The following ZNF16 variants were observed in gnomAD, a reference collection of about 807,000 sequenced individuals.
ZNF16 encodes zinc finger protein 16.
Under a neutral mutation model 9.0 loss-of-function variants are expected in ZNF16, and 7 were observed. That is an observed-to-expected ratio of 0.78 (90% CI 0.44 to 1.47). ZNF16 has a LOEUF of 1.47. ZNF16 is among the 40% of genes most tolerant of loss of function. ZNF16 has a pLI of 0.01. For synonymous variants in ZNF16, 312 were observed against 301.5 expected, an observed-to-expected ratio of 1.03 and a Z score of -0.36; for missense variants, 830 against 854.2, an observed-to-expected ratio of 0.97 and a Z score of 0.35.
rs1164220992 is a variant in ZNF16 at position 144,946,223 on chromosome 8, C to T, written c.-9-8G>A. On this transcript the variant is annotated splice_polypyrimidine_tract_variant and splice_region_variant and intron_variant, in intron 1 of 2. Transcript: ENST00000394909. ...GCTGGGCATGACAAGGACCTGAAAA[C>T]CGGCAAGAACACAGGTGAGTCTACA... is the stretch of plus-strand genomic sequence containing the variant. 6.7e-7 allele frequency: 1 copy of T among 1,501,926 alleles called. No homozygotes were observed. Among genetic ancestry groups the T allele is most frequent in the African/African-American group, 1.4e-5 (1 of 72,152 alleles). The allele number at this position is 1,501,926 out of a possible 1,614,324, so 93.0% of individuals were successfully genotyped here. A position where few individuals can be genotyped will look rare whatever the true frequency, so the allele number is the denominator to read the frequency against.
chr8:144,948,941 C>T (rs938041211), intron 1 of ZNF16, among the ~76,000 whole-genome samples: 12 of 152,208 alleles, frequency 7.9e-5, no homozygotes, highest in Non-Finnish European at 2.9e-5. Flanking sequence ...CCAATCTAAT[C>T]AAATGAGCCC....
chr8:144,949,795 A>G (rs1184858232), intron 1 of ZNF16, among the ~76,000 whole-genome samples: 1 of 152,190 alleles, frequency 6.6e-6, no homozygotes, highest in African/African-American at 2.4e-5. Context: ...GGTATTGTCC[A>G]AGATTTGTCC....
At chr8:144,947,679 T>C (rs1016346557) in intron 1 of ZNF16, among the ~76,000 whole-genome samples, 9 of 152,166 alleles carry the variant, frequency 5.9e-5, no homozygotes, top group African/African-American at 2.2e-4. Flanking sequence ...TCATTCCCCA[T>C]TTCATGTTGG....
In ZNF16 at chr8:144,946,096, C is replaced by T. The variant is rs761788403; in HGVS notation, c.111G>A (p.Val37=). 4.3e-6 allele frequency: 7 copies of T among 1,612,586 alleles called. No individual in the cohort carries two copies. The South Asian group carries it at 7.7e-5, about 18-fold the overall frequency. Residue 37 remains valine, a synonymous_variant, in exon 2 of 3, where the codon GTG becomes GTA. Coordinates refer to ENST00000394909, the MANE Select transcript of ZNF16 (RefSeq NM_006958.3). Reference sequence around the variant, plus strand: ...CACAGGCTGCAGATCCAGGGTGGGTCACAGCAGGAGCATCTCTCACACGGG... The same window carrying T: ...CACAGGCTGCAGATCCAGGGTGGGTTACAGCAGGAGCATCTCTCACACGGG... The part of the protein sequence containing the change: ...AQARVRDAPA[V]THPGSAACGT...
chr8:144,932,534 C>A lies in ZNF16; in HGVS notation c.253G>T (p.Asp85Tyr). The change falls in exon 3 of 3, where the codon GAT becomes TAT. Residue 85 changes from aspartate (D) to tyrosine (Y), a missense_variant. By Grantham distance (160) the Asp-to-Tyr change is radical. Transcript: ENST00000394909. This position sits in a 1 kb window ranked among gnomAD's most constrained non-coding sequence, Gnocchi z 5.0. ...GATATTTCTGCCTGTGATTCCAAAT[C>A]TTCATGAATGTCTTCCTTGTGAAGA... is the stretch of plus-strand genomic sequence containing the variant. ...EFLHKEDIHE[D>Y]LESQAEISEN... The A allele has an allele frequency of 6.2e-7, 1 of 1,614,190 alleles. No individual in the cohort carries two copies. The highest frequency in any genetic ancestry group is 8.5e-7 in the Non-Finnish European group (1 of 1,180,020).
rs1157561829 is a variant in ZNF16, at chr8:144,945,993, G to T, written c.196+18C>A. 1.2e-6 allele frequency: 2 copies of T among 1,613,060 alleles called. No individual in the cohort carries two copies. The highest frequency in any genetic ancestry group is 4.5e-5 in the East Asian group (2 of 44,876). On this transcript the variant is annotated intron_variant, in intron 2 of 2. Transcript: ENST00000394909. ...TCCCCAGAATAAGGGCACCAGCGGA[G>T]AACTGTTCTTAAAGTACCTGGCTGC...
rs776526502 is a variant in ZNF16, at chr8:144,931,403, C to T, written c.1384G>A (p.Val462Met). Residue 462 changes from valine to methionine, a missense_variant, in exon 3 of 3, where the codon GTG becomes ATG. By Grantham distance (21) the Val-to-Met change is conservative. Coordinates refer to ENST00000394909, the MANE Select transcript of ZNF16 (RefSeq NM_006958.3). ...RRIHTGEKPH[V>M]CNVCGKAFSY... ...AAGGCTTTTCCACATACATTACACA[C>T]GTGAGGCTTTTCTCCAGTGTGAATT... 121 of 1,614,024 alleles carry T rather than the reference C, an allele frequency of 7.5e-5. No homozygotes were observed. Among genetic ancestry groups the T allele is most frequent in the South Asian group, 1.6e-4 (15 of 91,084 alleles).
rs772987014 is a variant in ZNF16, at chr8:144,931,969, G to A, written c.818C>T (p.Ala273Val). Residue 273 changes from alanine to valine, a missense_variant, in exon 3 of 3, where the codon GCC (alanine) becomes GTC (valine). Coordinates refer to ENST00000394909, the MANE Select transcript of ZNF16 (RefSeq NM_006958.3). ...AGAAAAGTCTGAGTGCCCTCGGAAGGCTTTCCCACATTCGCTGCACTGGTA... is the reference window on the plus strand; with the variant it reads ...AGAAAAGTCTGAGTGCCCTCGGAAGACTTTCCCACATTCGCTGCACTGGTA... ...KAYQCSECGK[A>V]FRGHSDFSRH... 1 of 1,613,812 alleles carries A rather than the reference G, an allele frequency of 6.2e-7. No homozygotes were observed. The highest frequency in any genetic ancestry group is 2.2e-5 in the East Asian group (1 of 44,854).
chr8:144,937,287 C>T (rs537807184), intron 2 of ZNF16, among the ~76,000 whole-genome samples: 1 of 151,874 alleles, frequency 6.6e-6, no homozygotes, highest in South Asian at 2.1e-4. Context: ...GGGCACATGC[C>T]ACCATGCCCA....
At chr8:144,936,716 C>CTTATTTATTTAT (rs61163374) in intron 2 of ZNF16, among the ~76,000 whole-genome samples, 2,792 of 151,124 alleles carry the variant, frequency 0.018, 82 homozygotes, top group African/African-American at 0.064. Context: ...TTCTTTGCCC[C>CTTATTTATTTAT]TTATTTATTT....
Position 144,931,668 on chromosome 8 carries a change from T to C in ZNF16, c.1119A>G (p.Gly373=). ...NLIKHHRTHT[G]EKPFECGECG... ...ACTCGCCACACTCAAAAGGCTTCTC[T>C]CCTGTGTGAGTCCTGTGGTGTTTGA... The change falls in exon 3 of 3, where the codon GGA becomes GGG. Residue 373 remains glycine, a synonymous_variant. Transcript: ENST00000394909. 1 of 1,612,988 alleles carries C rather than the reference T, an allele frequency of 6.2e-7. No homozygotes were observed. The highest frequency in any genetic ancestry group is 8.5e-7 in the Non-Finnish European group (1 of 1,179,706).
chr8:144,949,948 C>T (rs995475174), intron 1 of ZNF16, among the ~76,000 whole-genome samples: 20 of 152,176 alleles, frequency 1.3e-4, no homozygotes, highest in African/African-American at 4.6e-4. Flanking sequence ...AGGCCACTCT[C>T]TCCTGCCTGC....
At chr8:144,934,576 G>A (rs777535700) in intron 2 of ZNF16, among the ~76,000 whole-genome samples, 5 of 152,236 alleles carry the variant, frequency 3.3e-5, no homozygotes, top group Non-Finnish European at 7.3e-5. Flanking sequence ...AGGAATGGGG[G>A]CTGCTGGGAC....
chr8:144,938,702 G>T (rs1027515752), intron 2 of ZNF16, among the ~76,000 whole-genome samples: 4 of 152,290 alleles, frequency 2.6e-5, no homozygotes, highest in African/African-American at 7.2e-5. Flanking sequence ...TATGGAAAAA[G>T]AATTTTACTT....
intron 2 of ZNF16, among the ~76,000 whole-genome samples, chr8:144,939,411 C>T (rs1833752068): frequency 6.6e-6 from 1 of 151,818 alleles, no homozygotes; most frequent in Non-Finnish European, 1.5e-5. Context: ...TTGAGACCAG[C>T]CTGGGGAACA....
In ZNF16 at chr8:144,930,546, A is replaced by G. The variant is rs1245552119; in HGVS notation, c.*192T>C. The G allele has an allele frequency of 3.4e-6, 2 of 582,934 alleles. No individual in the cohort carries two copies. The highest frequency in any genetic ancestry group is 3.2e-5 in the Admixed American group (1 of 31,110). The allele number at this position is 582,934 out of a possible 1,614,324, so 36.1% of individuals were successfully genotyped here. ...CCAAACCCAAGACATCACAAGAGGC[A>G]AGAGCAGTGGCAGTGAGAAGGGAGC... On this transcript the variant is annotated 3_prime_UTR_variant, in exon 3 of 3. Coordinates refer to ENST00000394909, the MANE Select transcript of ZNF16 (RefSeq NM_006958.3).
chr8:144,945,857 C>T, intron 2 of ZNF16, 154 bp downstream of exon 2: 1 of 1,401,632 alleles, frequency 7.1e-7, no homozygotes, highest in Non-Finnish European at 9.4e-7. Context: ...GGTTAACTTC[C>T]TTGCTGACAT....
In ZNF16 at chr8:144,932,685, G is replaced by A; in HGVS notation, c.197-95C>T. ...GTTGCACCCACTAACTGTGGAGGAG[G>A]CAAGGGGAGCAGGGGATCCTCTGGG... is the stretch of plus-strand genomic sequence containing the variant. On this transcript the variant is annotated intron_variant, in intron 2 of 2. Coordinates refer to ENST00000394909, the MANE Select transcript of ZNF16 (RefSeq NM_006958.3). The surrounding 1 kb of genome is among the most constrained non-coding windows in gnomAD (Gnocchi z 5.0). 7.4e-7 allele frequency: 1 copy of A among 1,350,714 alleles called. No individual in the cohort carries two copies. Among genetic ancestry groups the A allele is most frequent in the East Asian group, 2.3e-5 (1 of 43,018 alleles). 83.7% of individuals were successfully genotyped at this position (1,350,714 alleles called of 1,614,324 possible). A position where few individuals can be genotyped will look rare whatever the true frequency, so the allele number is the denominator to read the frequency against.
intron 2 of ZNF16, among the ~76,000 whole-genome samples, chr8:144,939,125 T>C (rs1340134557): frequency 6.6e-6 from 1 of 152,186 alleles, no homozygotes; most frequent in East Asian, 1.9e-4. Flanking sequence ...TTCTATTTCT[T>C]TGTTGGGAGT....
Sources: gnomAD v4.1 joint callset for allele counts (sites outside exome capture counted in the v4.1 genomes callset) on GRCh38, gnomAD v4.1.1 for gene constraint, Gnocchi (gnomAD v3.1) non-coding constraint, MANE v1.5 for transcripts, NCBI Gene and HGNC (gene_info 2026-07-23, HGNC 2026-07-21) for gene names.